Variants in DHX35 observed in about 807,000 individuals in gnomAD.
DHX35 encodes DEAH-box helicase 35.
A neutral mutation model predicts 99.6 loss-of-function variants in DHX35; 84 were observed. The ratio of observed to expected loss-of-function variants is 0.84; its 90% CI spans 0.71 to 1.01. DHX35 has a LOEUF of 1.01. DHX35 is among the 50% of genes least tolerant of loss of function. The pLI is 0.00. For synonymous variants in DHX35, 331 were observed against 316.2 expected (o/e 1.05, Z -0.50); for missense variants, 852 against 888.5 (o/e 0.96, Z 0.52).
chr20:38,994,912 C>T (rs758934854), intron 8 of DHX35, 32 bp downstream of exon 8: 3 of 1,600,218 alleles, frequency 1.9e-6, no homozygotes, highest in Non-Finnish European at 2.6e-6. Flanking sequence ...TCCTCCTCTC[C>T]TCACAAACAC....
chr20:38,983,196 G>A (rs985161154), intron 3 of DHX35, among the ~76,000 whole-genome samples: 5 of 152,198 alleles, frequency 3.3e-5, no homozygotes, highest in East Asian at 1.9e-4. Flanking sequence ...TGGGATTACC[G>A]GCATGAGCCG....
At position 39,038,722 on chromosome 20, in the gene DHX35, CT is replaced by C; in HGVS notation, c.*180del. On this transcript the variant is annotated 3_prime_UTR_variant, in exon 22 of 22. Coordinates refer to ENST00000252011, the MANE Select transcript of DHX35 (RefSeq NM_021931.4). The stretch of plus-strand genomic sequence containing the variant: ...GCTGCCCACAGCATTTGCATCCTTG[CT>C]GGGATCCTGGAGGACTTTGTGCATG... 3.1e-6 allele frequency: 2 copies of C among 639,236 alleles called. No individual in the cohort carries two copies. Among genetic ancestry groups the C allele is most frequent in the Non-Finnish European group, 5.4e-6 (2 of 371,052 alleles). The allele number at this position is 639,236 out of a possible 1,614,324, so 39.6% of individuals were successfully genotyped here.
intron 8 of DHX35, among the ~76,000 whole-genome samples, chr20:39,000,590 G>A (rs2086502699): frequency 6.6e-6 from 1 of 152,150 alleles, no homozygotes; most frequent in Non-Finnish European, 1.5e-5. Context: ...TAACATCCCT[G>A]TATTTTGTGG....
chr20:39,023,559 C>T, intron 16 of DHX35, 131 bp from the exon 17 acceptor site: 1 of 734,038 alleles, frequency 1.4e-6, no homozygotes, highest in Non-Finnish European at 2.3e-6. Context: ...ACCTATGTTG[C>T]CCAGGCTGGT....
chr20:39,024,060 T>C (rs2086913741), intron 17 of DHX35, among the ~76,000 whole-genome samples: 1 of 152,230 alleles, frequency 6.6e-6, no homozygotes, highest in South Asian at 2.1e-4. Context: ...ACATCCACTG[T>C]GCAGTAGACA....
At chr20:39,010,834 G>T (rs1478511764) in intron 13 of DHX35, among the ~76,000 whole-genome samples, 1 of 152,124 alleles carries the variant, frequency 6.6e-6, no homozygotes, top group Non-Finnish European at 1.5e-5. Flanking sequence ...AGATAGAGCT[G>T]CAGGAAGACC....
intron 11 of DHX35, 71 bp from the exon 12 acceptor site, chr20:39,006,075 G>A (rs1313342639): frequency 6.6e-7 from 1 of 1,521,782 alleles, no homozygotes. Flanking sequence ...AAATCTTTTA[G>A]GATTTTTACG....
chr20:39,011,113 A>C (rs1462818488), intron 13 of DHX35, among the ~76,000 whole-genome samples: 1 of 152,032 alleles, frequency 6.6e-6, no homozygotes, highest in Non-Finnish European at 1.5e-5. Context: ...AACATTTATT[A>C]GTCAGTTTTT....
intron 8 of DHX35, among the ~76,000 whole-genome samples, chr20:38,996,191 C>T (rs1191902715): frequency 1.3e-5 from 2 of 152,152 alleles, no homozygotes; most frequent in Non-Finnish European, 2.9e-5. Flanking sequence ...GCTCTTTATT[C>T]CCTTATTCTG....
At chr20:39,021,600 A>G (rs997735561) in intron 15 of DHX35, among the ~76,000 whole-genome samples, 2 of 152,116 alleles carry the variant, frequency 1.3e-5, no homozygotes, top group African/African-American at 4.8e-5. Context: ...GCTTTAAGCA[A>G]TCCTCCTGAG....
At chr20:39,030,432 C>T (rs1253482022) in intron 19 of DHX35, 1 of 459,210 alleles carries the variant, frequency 2.2e-6, no homozygotes, top group Non-Finnish European at 3.9e-6. Flanking sequence ...TACACATAAA[C>T]ATAGGCAGAG....
intron 3 of DHX35, among the ~76,000 whole-genome samples, chr20:38,973,361 C>T (rs1378614112): frequency 6.6e-6 from 1 of 152,134 alleles, no homozygotes; most frequent in African/African-American, 2.4e-5. Context: ...CATAATTGTA[C>T]ACCTTGATAC....
chr20:38,979,854 T>TA lies in DHX35; in HGVS notation c.268-3833dup, dbSNP rs11476489. ...TTTTTTTTTTTTTACTAGAGTTCTGTAAAAAAAAAAAACAAAAATAAGGGC... is the reference window on the plus strand; with the variant it reads ...TTTTTTTTTTTTTACTAGAGTTCTGTAAAAAAAAAAAAACAAAAATAAGGGC... On this transcript the variant is annotated intron_variant, in intron 3 of 21. Transcript: ENST00000252011. 4.4e-3 allele frequency among the ~76,000 whole-genome samples: 618 copies of TA among 140,556 alleles called. 3 individuals are homozygous for TA. Among genetic ancestry groups the TA allele is most frequent in the Non-Finnish European group, 6.0e-3 (385 of 64,564 alleles). The allele number at this position is 140,556 out of a possible 152,430, so 92.2% of individuals were successfully genotyped here. A position where few individuals can be genotyped will look rare whatever the true frequency, so the allele number is the denominator to read the frequency against.
chr20:38,982,477 T>A (rs2086188425), intron 3 of DHX35, among the ~76,000 whole-genome samples: 1 of 152,202 alleles, frequency 6.6e-6, no homozygotes, highest in Non-Finnish European at 1.5e-5. Flanking sequence ...TATATTTCCT[T>A]TAGGTTTCCC....
intron 8 of DHX35, among the ~76,000 whole-genome samples, chr20:39,000,910 A>G (rs2086509295): frequency 6.6e-6 from 1 of 152,108 alleles, no homozygotes; most frequent in East Asian, 1.9e-4. Context: ...GCCTGCCTGC[A>G]TGGTCACTTA....
intron 21 of DHX35, among the ~76,000 whole-genome samples, chr20:39,038,291 C>T (rs544442244): frequency 3.9e-5 from 6 of 152,336 alleles, no homozygotes; most frequent in South Asian, 2.1e-4. Flanking sequence ...GCTTGGGCCT[C>T]GGGTTGCTGG....
intron 12 of DHX35, 122 bp downstream of exon 12, chr20:39,006,478 C>T: frequency 9.6e-7 from 1 of 1,045,680 alleles, no homozygotes; most frequent in Non-Finnish European, 1.4e-6. Context: ...CCTCACAAGG[C>T]CCTGTGTAAT....
chr20:38,977,619 G>T (rs769067488), intron 3 of DHX35: 3 of 334,952 alleles, frequency 9.0e-6, no homozygotes, highest in South Asian at 2.9e-5. Flanking sequence ...GGACAACGCA[G>T]TCTTGGCAAT....
At chr20:39,001,515 A>T (rs1240777395) in intron 8 of DHX35, among the ~76,000 whole-genome samples, 1 of 152,222 alleles carries the variant, frequency 6.6e-6, no homozygotes, top group East Asian at 1.9e-4. Context: ...TTAAAACTTT[A>T]GTAAAGACAC....
Sources: allele counts gnomAD v4.1 joint callset (sites outside exome capture counted in the v4.1 genomes callset), GRCh38; gene constraint gnomAD v4.1.1; transcripts MANE v1.5; gene names NCBI Gene and HGNC (gene_info 2026-07-23, HGNC 2026-07-21).